Variants in ANGPT1 observed in about 807,000 individuals in gnomAD.
ANGPT1 encodes angiopoietin-1.
A neutral mutation model predicts 62.2 loss-of-function variants in ANGPT1; 17 were observed. The observed-to-expected ratio is 0.27, with a 90% CI of 0.19 to 0.41. The LOEUF is 0.41. Ranked by LOEUF, ANGPT1 falls within the 10% of genes least tolerant of loss-of-function variation. ANGPT1 has a pLI of 1.00. For missense variants in ANGPT1, 478 were observed against 594.9 expected, an observed-to-expected ratio of 0.80 and a Z score of 2.04; for synonymous variants, 199 against 198.9, an observed-to-expected ratio of 1.00 and a Z score of 0.00.
At chr8:107,352,531 T>C (rs184773789) in intron 1 of ANGPT1, among the ~76,000 whole-genome samples, 227 of 152,206 alleles carry the variant, frequency 1.5e-3, no homozygotes, top group African/African-American at 5.2e-3. Context: ...CGGGCTTCAG[T>C]TTCATGAGAA....
chr8:107,397,572 T>G (rs192745617), intron 1 of ANGPT1, among the ~76,000 whole-genome samples: 21 of 152,276 alleles, frequency 1.4e-4, no homozygotes, highest in African/African-American at 4.8e-4. Flanking sequence ...TCACTTCTTT[T>G]ACAGCTTCCA....
At chr8:107,472,809 T>C (rs1187128677) in intron 1 of ANGPT1, among the ~76,000 whole-genome samples, 3 of 152,040 alleles carry the variant, frequency 2.0e-5, no homozygotes, top group South Asian at 2.1e-4. Flanking sequence ...AAGAACATTA[T>C]GTCTTATAAA....
intron 1 of ANGPT1, among the ~76,000 whole-genome samples, chr8:107,378,610 G>T (rs780097980): frequency 1.3e-5 from 2 of 152,016 alleles, no homozygotes; most frequent in Non-Finnish European, 2.9e-5. Context: ...CCCCATGTTT[G>T]GGGGTTGGGA....
chr8:107,344,987 ATACATT>A (rs1376072767), intron 2 of ANGPT1, among the ~76,000 whole-genome samples: 1 of 152,236 alleles, frequency 6.6e-6, no homozygotes, highest in Non-Finnish European at 1.5e-5. Flanking sequence ...GCACGAGGGT[ATACATT>A]TACATATAAC....
At chr8:107,299,421 AAACAT>A (rs1814504415) in intron 5 of ANGPT1, among the ~76,000 whole-genome samples, 2 of 124,524 alleles carry the variant, frequency 1.6e-5, no homozygotes, top group African/African-American at 5.6e-5. Flanking sequence ...ATATATATAT[AAACAT>A]ACATATATAT....
At chr8:107,297,840 C>T (rs1402828573) in intron 5 of ANGPT1, among the ~76,000 whole-genome samples, 1 of 149,788 alleles carries the variant, frequency 6.7e-6, no homozygotes, top group Non-Finnish European at 1.5e-5. Context: ...AAACAAAAGC[C>T]TATTATTTTT....
At chr8:107,450,173 C>T (rs1015064948) in intron 1 of ANGPT1, among the ~76,000 whole-genome samples, 10 of 151,962 alleles carry the variant, frequency 6.6e-5, no homozygotes, top group African/African-American at 2.4e-4. Context: ...ATGGGACATA[C>T]GGTATTGTTG....
rs1813251779 is a variant in ANGPT1 at position 107,251,710 on chromosome 8, A to G, written c.*145T>C. 1 of 1,044,828 alleles carries G rather than the reference A, an allele frequency of 9.6e-7. No homozygotes were observed. Among genetic ancestry groups the G allele is most frequent in the African/African-American group, 1.6e-5 (1 of 61,990 alleles). 64.7% of individuals were successfully genotyped at this position (1,044,828 alleles called of 1,614,324 possible). ...TCAAACGGCTCCAGATTCACGGTCA[A>G]GAACCTTGGTGACTTCACATAACTA... On this transcript the variant is annotated 3_prime_UTR_variant, in exon 9 of 9. Coordinates refer to ENST00000517746, the MANE Select transcript of ANGPT1 (RefSeq NM_001146.5).
At chr8:107,495,585 A>G (rs1320108118) in intron 1 of ANGPT1, among the ~76,000 whole-genome samples, 1 of 152,180 alleles carries the variant, frequency 6.6e-6, no homozygotes, top group Non-Finnish European at 1.5e-5. Context: ...TTGGTAGAAT[A>G]GATCATTCAG....
At chr8:107,297,467 C>G (rs1814442565) in intron 5 of ANGPT1, among the ~76,000 whole-genome samples, 2 of 151,684 alleles carry the variant, frequency 1.3e-5, no homozygotes, top group South Asian at 4.1e-4. Context: ...CCATCTCTTA[C>G]ATGTATTACT....
At chr8:107,290,455 T>C (rs1214228294) in intron 6 of ANGPT1, among the ~76,000 whole-genome samples, 1 of 152,118 alleles carries the variant, frequency 6.6e-6, no homozygotes, top group Non-Finnish European at 1.5e-5. Context: ...GGCAGTTCTT[T>C]GGATGCAGGA....
At chr8:107,395,446 A>G (rs905837415) in intron 1 of ANGPT1, among the ~76,000 whole-genome samples, 7 of 152,154 alleles carry the variant, frequency 4.6e-5, no homozygotes, top group Admixed American at 1.3e-4. Flanking sequence ...GTATTACACT[A>G]GGCCATATAT....
chr8:107,352,904 C>T (rs535616110), intron 1 of ANGPT1, among the ~76,000 whole-genome samples: 1 of 152,062 alleles, frequency 6.6e-6, no homozygotes, highest in South Asian at 2.1e-4. Flanking sequence ...TATCTAATCT[C>T]ATTGTTCCAT....
intron 1 of ANGPT1, among the ~76,000 whole-genome samples, chr8:107,426,791 CAA>C (rs1811052682): frequency 1.3e-5 from 2 of 152,112 alleles, no homozygotes; most frequent in Non-Finnish European, 2.9e-5. Flanking sequence ...ACAACAATAA[CAA>C]ATGATGTTTT....
At chr8:107,469,380 ATGTT>A (rs1189071057) in intron 1 of ANGPT1, among the ~76,000 whole-genome samples, 1 of 151,988 alleles carries the variant, frequency 6.6e-6, no homozygotes, top group African/African-American at 2.4e-5. Context: ...GGTAGAAATG[ATGTT>A]TGTTTGTGCT....
At chr8:107,304,331 G>C (rs1419465654) in intron 4 of ANGPT1, among the ~76,000 whole-genome samples, 1 of 151,554 alleles carries the variant, frequency 6.6e-6, no homozygotes, top group East Asian at 1.9e-4. Context: ...AAGTATTTAT[G>C]ATTTAGTATT....
intron 1 of ANGPT1, among the ~76,000 whole-genome samples, chr8:107,397,644 G>C (rs889706655): frequency 2.6e-5 from 4 of 152,060 alleles, no homozygotes; most frequent in South Asian, 2.1e-4. Context: ...GTAGGGACTG[G>C]GGAGACCGGG....
At chr8:107,393,703 G>A (rs1170521138) in intron 1 of ANGPT1, among the ~76,000 whole-genome samples, 2 of 152,078 alleles carry the variant, frequency 1.3e-5, no homozygotes, top group African/African-American at 4.8e-5. Context: ...CCAGCTACTT[G>A]GGAGGCTGAG....
chr8:107,354,748 C>T (rs1393298971), intron 1 of ANGPT1, among the ~76,000 whole-genome samples: 2 of 152,128 alleles, frequency 1.3e-5, no homozygotes, highest in East Asian at 1.9e-4. Context: ...ACCATTCTGT[C>T]CCAAATATAT....
Sources: allele counts gnomAD v4.1 joint callset (sites outside exome capture counted in the v4.1 genomes callset), GRCh38; gene constraint gnomAD v4.1.1; transcripts MANE v1.5; gene names NCBI Gene and HGNC (gene_info 2026-07-23, HGNC 2026-07-21).